The following CCDC3 variants were observed in gnomAD, a reference collection of about 807,000 sequenced individuals.
CCDC3 encodes the protein coiled-coil domain containing 3.
Under a neutral mutation model 21.4 loss-of-function variants are expected in CCDC3, and 24 were observed. The observed-to-expected ratio is 1.12, with a 90% CI of 0.81 to 1.58. The LOEUF (loss-of-function observed/expected upper bound fraction) is 1.58. Among genes scored for constraint, CCDC3 ranks in the 40% most tolerant of loss-of-function variants. The probability of loss-of-function intolerance (pLI) is 0.00; values close to 1 mark genes in which losing one functional copy is unlikely to be tolerated. For missense variants in CCDC3, 425 were observed against 360.9 expected, an observed-to-expected ratio of 1.18 and a Z score of -1.44; for synonymous variants, 186 against 166.0, an observed-to-expected ratio of 1.12 and a Z score of -0.93.
chr10:12,989,461 GC>G (rs1835648191), intron 2 of CCDC3, among the ~76,000 whole-genome samples: 1 of 152,042 alleles, frequency 6.6e-6, no homozygotes, highest in African/African-American at 2.4e-5. Context: ...TCTCTCTGTC[GC>G]CCAAGCTGGA....
At chr10:13,097,337 A>G (rs1006133531) in intron 3 of CCDC3, among the ~76,000 whole-genome samples, 1 of 152,170 alleles carries the variant, frequency 6.6e-6, no homozygotes, top group Non-Finnish European at 1.5e-5. Context: ...AAACACCATG[A>G]GCCAGGCGTT....
intron 4 of CCDC3, among the ~76,000 whole-genome samples, chr10:13,067,215 A>G (rs1027875140): frequency 2.6e-5 from 4 of 152,232 alleles, no homozygotes; most frequent in Admixed American, 2.6e-4. Context: ...GTTGGGGTGC[A>G]TGGCCCATGG....
chr10:13,001,653 G>A lies in CCDC3; in HGVS notation c.-83C>T, dbSNP rs1204006163. On this transcript the variant is annotated 5_prime_UTR_variant, in exon 1 of 3. An upstream open reading frame in the 5' UTR gains an earlier in-frame stop. Transcript: ENST00000378825. ...CCGGGAAGGGCAGCCCTGGGCGCTCGGCTGCTCGGGCCGCTCCCGGGAGCT... is the reference window on the plus strand; with the variant it reads ...CCGGGAAGGGCAGCCCTGGGCGCTCAGCTGCTCGGGCCGCTCCCGGGAGCT... The A allele has an allele frequency of 1.1e-6, 1 of 923,188 alleles. No homozygotes were observed. Among genetic ancestry groups the A allele is most frequent in the Non-Finnish European group, 1.3e-6 (1 of 759,876 alleles). The allele number at this position is 923,188 out of a possible 1,614,324, so 57.2% of individuals were successfully genotyped here.
At chr10:13,058,329 T>C (rs1356271181) in intron 4 of CCDC3, 50 of 1,282,786 alleles carry the variant, frequency 3.9e-5, no homozygotes, top group Non-Finnish European at 5.4e-5. Context: ...TCATAGATCT[T>C]GTCCATGCCA....
chr10:12,942,950 G>A (rs909635592), intron 2 of CCDC3, among the ~76,000 whole-genome samples: 24 of 152,232 alleles, frequency 1.6e-4, no homozygotes, highest in South Asian at 1.0e-3. Flanking sequence ...GATGAATGAC[G>A]CCATTTCAGT....
chr10:12,916,298 G>GGC (rs1834355183), intron 2 of CCDC3, among the ~76,000 whole-genome samples: 1 of 152,128 alleles, frequency 6.6e-6, no homozygotes, highest in Admixed American at 6.5e-5. Flanking sequence ...TGGGCATGGT[G>GGC]GTGCATGCCT....
chr10:12,900,522 CAAAAAA>C (rs10716235), intron 2 of CCDC3, among the ~76,000 whole-genome samples: 14 of 75,872 alleles, frequency 1.8e-4, no homozygotes, highest in African/African-American at 7.0e-4. Flanking sequence ...ACTAAAAATA[CAAAAAA>C]AAAAAAAAAA....
intron 5 of CCDC3, among the ~76,000 whole-genome samples, chr10:13,044,644 C>T (rs965410757): frequency 1.3e-5 from 2 of 152,132 alleles, no homozygotes; most frequent in Non-Finnish European, 2.9e-5. Context: ...TGTTGAAGAT[C>T]AGATGGCTGC....
intron 2 of CCDC3, among the ~76,000 whole-genome samples, chr10:12,956,428 A>G (rs1835086832): frequency 6.6e-6 from 1 of 152,096 alleles, no homozygotes; most frequent in African/African-American, 2.4e-5. Context: ...CCAGCCATAA[A>G]CCTAATGGCT....
chr10:13,056,855 G>A (rs1394981478), intron 4 of CCDC3, among the ~76,000 whole-genome samples: 1 of 152,168 alleles, frequency 6.6e-6, no homozygotes, highest in Admixed American at 6.6e-5. Context: ...GGAAGGGAGA[G>A]GAGTTGTATG....
chr10:13,020,754 A>G (rs1344893994), intron 5 of CCDC3, among the ~76,000 whole-genome samples: 1 of 152,236 alleles, frequency 6.6e-6, no homozygotes, highest in Non-Finnish European at 1.5e-5. Flanking sequence ...AATAAAATAC[A>G]CAGTGATAAC....
chr10:13,064,495 C>T (rs118034257), intron 4 of CCDC3, among the ~76,000 whole-genome samples: 2,238 of 152,244 alleles, frequency 0.015, 20 homozygotes, highest in Admixed American at 0.021. Flanking sequence ...GAGATCCTCA[C>T]GACATGTGCC....
chr10:12,998,199 G>GGA, intron 2 of CCDC3, 139 bp downstream of exon 2: 1 of 828,658 alleles, frequency 1.2e-6, no homozygotes, highest in Non-Finnish European at 1.8e-6. Context: ...AGGGATAGCA[G>GGA]GAGAGAGAGA....
At chr10:13,062,379 CT>C (rs1198044679) in intron 4 of CCDC3, among the ~76,000 whole-genome samples, 1 of 152,238 alleles carries the variant, frequency 6.6e-6, no homozygotes, top group East Asian at 1.9e-4. Flanking sequence ...CCATGGGATG[CT>C]TTTTTTGTAC....
chr10:13,012,729 C>T (rs1177923682), intron 5 of CCDC3, among the ~76,000 whole-genome samples: 2 of 151,962 alleles, frequency 1.3e-5, no homozygotes, highest in African/African-American at 2.4e-5. Context: ...TGAGATTGCA[C>T]CACCGCACTC....
intron 2 of CCDC3, among the ~76,000 whole-genome samples, chr10:12,923,245 G>A (rs1476968414): frequency 1.3e-5 from 2 of 152,182 alleles, no homozygotes; most frequent in East Asian, 1.9e-4. Flanking sequence ...CTTGCAGCAT[G>A]TCATGTCTAT....
At position 13,071,302 on chromosome 10, in the gene CCDC3, C is replaced by G. The variant is rs569576972; in HGVS notation, c.-270+2566G>C. 1.1e-4 allele frequency among the ~76,000 whole-genome samples: 17 copies of G among 152,240 alleles called. No individual in the cohort carries two copies. The South Asian group carries it at 2.7e-3, about 24-fold the overall frequency. ...ATAATAAGGAGTCCACGCAACCCCCCCTCAAGACGTATTTTTGTCCCAAAT... is the reference window on the plus strand; with the variant it reads ...ATAATAAGGAGTCCACGCAACCCCCGCTCAAGACGTATTTTTGTCCCAAAT... On this transcript the variant is annotated intron_variant, in intron 4 of 6. Transcript: ENST00000378839.
intron 5 of CCDC3, among the ~76,000 whole-genome samples, chr10:13,011,938 G>C (rs888850136): frequency 6.6e-6 from 1 of 152,130 alleles, no homozygotes; most frequent in Non-Finnish European, 1.5e-5. Context: ...ACAAAAACAA[G>C]CAACGGGAAA....
At chr10:13,049,794 C>T (rs1471165767) in exon 5 of CCDC3, 2 of 152,126 alleles carry the variant, frequency 1.3e-5, no homozygotes, top group African/African-American at 4.8e-5. Context: ...CTCAGACCAC[C>T]CTTTCTGGAG....
Sources: gnomAD v4.1 joint callset for allele counts (sites outside exome capture counted in the v4.1 genomes callset) on GRCh38, gnomAD v4.1.1 for gene constraint, MANE v1.5 for transcripts, NCBI Gene and HGNC (gene_info 2026-07-23, HGNC 2026-07-21) for gene names.